Variants in TUSC3 observed in about 807,000 individuals in gnomAD.
TUSC3 encodes tumor suppressor candidate 3.
A neutral mutation model predicts 44.8 loss-of-function variants in TUSC3; 45 were observed. The ratio of observed to expected loss-of-function variants is 1.00; its 90% confidence interval spans 0.79 to 1.29. The LOEUF (loss-of-function observed/expected upper bound fraction) is 1.29, where lower values mean the gene tolerates loss of function less well. TUSC3 is among the 50% of genes most tolerant of loss of function. TUSC3 has a pLI of 0.00. For missense variants in TUSC3, 519 were observed against 437.9 expected (o/e 1.19, Z -1.65); for synonymous variants, 212 against 152.9 (o/e 1.39, Z -2.85).
chr8:15,569,243 T>A (rs571304657), intron 1 of TUSC3, among the ~76,000 whole-genome samples: 1 of 152,180 alleles, frequency 6.6e-6, no homozygotes, highest in Non-Finnish European at 1.5e-5. Flanking sequence ...CTAAATTCTT[T>A]TAGTCATTCT....
At chr8:15,801,724 C>A in the TUSC3 span, among the ~76,000 whole-genome samples, 1 of 152,046 alleles carries the variant, frequency 6.6e-6, no homozygotes, top group African/African-American at 2.4e-5. Context: ...TAGAACGTAC[C>A]CTTGCTGGGC....
chr8:15,461,522 T>A (rs1474849619), intron 1 of TUSC3, among the ~76,000 whole-genome samples: 2 of 152,098 alleles, frequency 1.3e-5, no homozygotes, highest in Admixed American at 6.6e-5. Context: ...GGATGCCTTT[T>A]ATTTCTTTGT....
chr8:15,701,060 C>A (rs1809382508), intron 6 of TUSC3, among the ~76,000 whole-genome samples: 1 of 151,834 alleles, frequency 6.6e-6, no homozygotes, highest in Admixed American at 6.6e-5. Context: ...ACTAGAGGGA[C>A]AAACACAAGT....
At chr8:15,672,814 A>T (rs2129183185) in intron 5 of TUSC3, among the ~76,000 whole-genome samples, 2 of 152,100 alleles carry the variant, frequency 1.3e-5, no homozygotes, top group Admixed American at 1.3e-4. Flanking sequence ...TGCAAACTAG[A>T]ATATTTAGAC....
intron 6 of TUSC3, among the ~76,000 whole-genome samples, chr8:15,682,721 G>C (rs1033084606): frequency 6.6e-6 from 1 of 151,592 alleles, no homozygotes; most frequent in African/African-American, 2.4e-5. Context: ...TCTTGATTGT[G>C]TACTTGCTTT....
intron 6 of TUSC3, among the ~76,000 whole-genome samples, chr8:15,706,625 T>C (rs1809625754): frequency 6.6e-6 from 1 of 152,062 alleles, no homozygotes; most frequent in African/African-American, 2.4e-5. Flanking sequence ...CAATTTCGTG[T>C]AGCTCATACT....
intron 1 of TUSC3, among the ~76,000 whole-genome samples, chr8:15,591,568 A>G (rs770897738): frequency 6.6e-6 from 1 of 152,250 alleles, no homozygotes; most frequent in Non-Finnish European, 1.5e-5. Context: ...AGTTAAATGT[A>G]TAAATATTAT....
rs148245213 is a variant in TUSC3, at chr8:15,469,353, A to G, written n.92-14033A>G. ...CCATTAAAAATGGGCCGAAGATCTG[A>G]ATGGACACATCACCGAAGATATACA... On this transcript the variant is annotated intron_variant and non_coding_transcript_variant, in intron 1 of 5. Transcript: ENST00000503191. Among the ~76,000 whole-genome samples the G allele has an allele frequency of 1.7e-3, 253 of 152,340 alleles. 2 individuals are homozygous for G. Among genetic ancestry groups the G allele is most frequent in the Middle Eastern group, 0.014 (4 of 294 alleles).
At chr8:15,763,238 T>C (rs1196654306) in intron 10 of TUSC3, among the ~76,000 whole-genome samples, 1 of 151,884 alleles carries the variant, frequency 6.6e-6, no homozygotes, top group African/African-American at 2.4e-5. Flanking sequence ...CGAAAAGAAC[T>C]TCGGGAATCA....
At chr8:15,656,260 C>T (rs1265432443) in intron 3 of TUSC3, among the ~76,000 whole-genome samples, 1 of 152,040 alleles carries the variant, frequency 6.6e-6, no homozygotes, top group Non-Finnish European at 1.5e-5. Flanking sequence ...CTCAAAATTC[C>T]AAAGTCCAAA....
At chr8:15,550,623 A>C (rs182950787) in intron 1 of TUSC3, among the ~76,000 whole-genome samples, 3 of 151,154 alleles carry the variant, frequency 2.0e-5, no homozygotes, top group Non-Finnish European at 4.4e-5. Flanking sequence ...CATTACTATC[A>C]TGATTCTTTC....
intron 6 of TUSC3, among the ~76,000 whole-genome samples, chr8:15,685,169 C>T (rs1192002743): frequency 6.6e-6 from 1 of 152,160 alleles, no homozygotes; most frequent in Non-Finnish European, 1.5e-5. Flanking sequence ...CTCTGAGTGG[C>T]TTCCCTGCCG....
chr8:15,464,736 A>C (rs567764130), intron 1 of TUSC3, among the ~76,000 whole-genome samples: 2 of 152,326 alleles, frequency 1.3e-5, no homozygotes, highest in African/African-American at 4.8e-5. Context: ...TTGATGTATC[A>C]TTTATTTACA....
the TUSC3 span, among the ~76,000 whole-genome samples, chr8:15,831,289 A>AAAAGG: frequency 6.6e-6 from 1 of 152,208 alleles, no homozygotes; most frequent in Non-Finnish European, 1.5e-5. Context: ...AAAAGAAAAG[A>AAAAGG]AAAAACATCC....
In TUSC3 at chr8:15,562,755, G is replaced by A. The variant is rs145673174; in HGVS notation, c.138+22187G>A. Reference sequence around the variant, plus strand: ...CTGCCAACCCCAGGTTCCAGCCATGGAGCACCATCTATAGGCAGTTCACAG... The same window carrying A: ...CTGCCAACCCCAGGTTCCAGCCATGAAGCACCATCTATAGGCAGTTCACAG... On this transcript the variant is annotated intron_variant, in intron 1 of 10. Transcript: ENST00000503731. Among the ~76,000 whole-genome samples, 135 of 152,202 alleles carry A rather than the reference G, an allele frequency of 8.9e-4. 2 individuals carry two copies. The highest frequency in any genetic ancestry group is 3.2e-3 in the African/African-American group (131 of 41,518).
At chr8:15,763,096 TTGA>T (rs1218666794) in intron 10 of TUSC3, among the ~76,000 whole-genome samples, 4 of 151,970 alleles carry the variant, frequency 2.6e-5, no homozygotes, top group Non-Finnish European at 4.4e-5. Flanking sequence ...TACATTTTAA[TTGA>T]TGTTATATAA....
intron 2 of TUSC3, among the ~76,000 whole-genome samples, chr8:15,501,872 A>G (rs969325202): frequency 2.0e-5 from 3 of 152,230 alleles, no homozygotes; most frequent in Non-Finnish European, 1.5e-5. Flanking sequence ...TTGAAAAAGT[A>G]TTTAATAACA....
At chr8:15,610,048 A>G (rs907981639) in intron 1 of TUSC3, among the ~76,000 whole-genome samples, 1 of 152,172 alleles carries the variant, frequency 6.6e-6, no homozygotes, top group African/African-American at 2.4e-5. Flanking sequence ...TGATCACATA[A>G]CTATGTTTAT....
intron 1 of TUSC3, among the ~76,000 whole-genome samples, chr8:15,467,453 G>A (rs1800428701): frequency 6.6e-6 from 1 of 152,116 alleles, no homozygotes; most frequent in African/African-American, 2.4e-5. Flanking sequence ...CTGCCTTAGA[G>A]TATAATTCTG....
Sources: allele counts gnomAD v4.1 joint callset (sites outside exome capture counted in the v4.1 genomes callset), GRCh38; gene constraint gnomAD v4.1.1; transcripts MANE v1.5; gene names NCBI Gene and HGNC (gene_info 2026-07-23, HGNC 2026-07-21).